The following SYT1 variants were observed in gnomAD, a reference collection of about 807,000 sequenced individuals.
SYT1 encodes synaptotagmin-1.
In SYT1, 8 loss-of-function variants were observed where a neutral mutation model predicts 44.8. The observed-to-expected ratio is 0.18, with a 90% CI of 0.10 to 0.32. The LOEUF is 0.32. Among genes scored for constraint, SYT1 ranks in the 10% least tolerant of loss-of-function variants. The pLI is 1.00. For synonymous variants in SYT1, 154 were observed against 188.8 expected, an observed-to-expected ratio of 0.82 and a Z score of 1.51; for missense variants, 286 against 509.3, an observed-to-expected ratio of 0.56 and a Z score of 4.22.
chr12:79,009,936 C>G (rs1871313922), intron 2 of SYT1, among the ~76,000 whole-genome samples: 1 of 152,082 alleles, frequency 6.6e-6, no homozygotes, highest in African/African-American at 2.4e-5. Flanking sequence ...TGTCACTGTT[C>G]TCTCTCCCAG....
intron 10 of SYT1, among the ~76,000 whole-genome samples, chr12:79,445,540 G>A (rs1048746518): frequency 3.3e-5 from 5 of 151,470 alleles, no homozygotes; most frequent in Non-Finnish European, 7.4e-5. Flanking sequence ...ACATGAGTAA[G>A]AACATACAGT....
chr12:79,232,559 A>T (rs1267461610), intron 4 of SYT1, among the ~76,000 whole-genome samples: 1 of 152,200 alleles, frequency 6.6e-6, no homozygotes, highest in Non-Finnish European at 1.5e-5. Flanking sequence ...GTTAGCCTTC[A>T]GAACTCTATT....
chr12:79,229,604 A>AT (rs139959744), intron 4 of SYT1, among the ~76,000 whole-genome samples: 107,378 of 150,412 alleles, frequency 0.71, 38,867 homozygotes, highest in African/African-American at 0.8. Flanking sequence ...TTATTTTTTT[A>AT]TTTTTTTTAG....
At chr12:79,137,480 A>G (rs1431865881) in intron 3 of SYT1, among the ~76,000 whole-genome samples, 1 of 152,166 alleles carries the variant, frequency 6.6e-6, no homozygotes, top group Non-Finnish European at 1.5e-5. Context: ...ATTATACACA[A>G]TAATACAAGA....
intron 4 of SYT1, among the ~76,000 whole-genome samples, chr12:79,241,371 C>T (rs975487652): frequency 1.3e-4 from 19 of 151,962 alleles, no homozygotes; most frequent in African/African-American, 3.6e-4. Context: ...TCCGGATTCA[C>T]GTGATTCTCC....
At chr12:79,362,492 ACC>A (rs1883355475) in intron 9 of SYT1, among the ~76,000 whole-genome samples, 1 of 152,132 alleles carries the variant, frequency 6.6e-6, no homozygotes, top group South Asian at 2.1e-4. Context: ...AAAATCTCCT[ACC>A]TTTGTCCAAT....
At chr12:79,011,548 A>C (rs1161516825) in intron 2 of SYT1, among the ~76,000 whole-genome samples, 1 of 152,056 alleles carries the variant, frequency 6.6e-6, no homozygotes, top group Non-Finnish European at 1.5e-5. Flanking sequence ...ACAACACAGG[A>C]ATCTATATGC....
intron 4 of SYT1, among the ~76,000 whole-genome samples, chr12:79,246,200 T>C (rs1333796956): frequency 6.6e-6 from 1 of 152,198 alleles, no homozygotes; most frequent in African/African-American, 2.4e-5. Context: ...TAGTGGTCAA[T>C]TCCAAAAGAC....
At position 78,931,390 on chromosome 12, in the gene SYT1, AAGGAAGGGAGGAGAG is replaced by A. The variant is rs1592575497; in HGVS notation, c.-216-46401_-216-46387del. 5.1e-5 allele frequency among the ~76,000 whole-genome samples: 6 copies of A among 117,792 alleles called. No homozygotes were observed. The East Asian group carries it at 1.3e-3, about 25-fold the overall frequency. The allele number at this position is 117,792 out of a possible 152,430, so 77.3% of individuals were successfully genotyped here. ...GAAGGAAGGAAGGAAGGAAGGAAGG[AAGGAAGGGAGGAGAG>A]AGGAAGGAAGGAAGGAAGGAAGGAA... On this transcript the variant is annotated intron_variant, in intron 1 of 10. Coordinates refer to ENST00000261205, the MANE Select transcript of SYT1 (RefSeq NM_005639.3).
rs548028431 is a variant in SYT1 at position 79,425,489 on chromosome 12, A to G, written c.929-18584A>G. 1.1e-4 allele frequency among the ~76,000 whole-genome samples: 17 copies of G among 152,242 alleles called. 1 individual carries two copies. In the South Asian group the frequency reaches 2.5e-3, roughly 22 times the overall value. ...AATTTTGGCCCCATTTTCAATTTCT[A>G]TACCATAGACTTGTCCTTATGCCCA... On this transcript the variant is annotated intron_variant, in intron 9 of 10. Transcript: ENST00000261205.
At chr12:78,949,258 C>T (rs1878836373) in intron 1 of SYT1, among the ~76,000 whole-genome samples, 1 of 151,442 alleles carries the variant, frequency 6.6e-6, no homozygotes. Flanking sequence ...ATATAGGACT[C>T]CCGTGAAATA....
At chr12:78,897,472 A>G (rs987561029) in intron 1 of SYT1, among the ~76,000 whole-genome samples, 6 of 151,974 alleles carry the variant, frequency 3.9e-5, no homozygotes, top group Non-Finnish European at 8.8e-5. Flanking sequence ...GATCTTCATC[A>G]TTACATAAAT....
At chr12:79,267,666 A>C (rs1475594955) in intron 4 of SYT1, among the ~76,000 whole-genome samples, 3 of 152,216 alleles carry the variant, frequency 2.0e-5, no homozygotes, top group Non-Finnish European at 4.4e-5. Flanking sequence ...AAACTGTTAC[A>C]AACTTCCAAA....
At chr12:78,995,046 C>T (rs893843106) in intron 2 of SYT1, among the ~76,000 whole-genome samples, 1 of 152,142 alleles carries the variant, frequency 6.6e-6, no homozygotes, top group South Asian at 2.1e-4. Flanking sequence ...CACCCTGGAT[C>T]ACCTGGGGAG....
rs3995413 is a variant in SYT1, at chr12:79,366,894, C to CTGTGTGTGTG, written c.928+13319_928+13328dup. 9.4e-3 allele frequency among the ~76,000 whole-genome samples: 1,102 copies of CTGTGTGTGTG among 117,442 alleles called. 21 individuals are homozygous for CTGTGTGTGTG. The highest frequency in any genetic ancestry group is 0.015 in the Non-Finnish European group (849 of 57,392). The allele number at this position is 117,442 out of a possible 152,430, so 77.0% of individuals were successfully genotyped here. ...TCCTATATGGCTGATATAAATAATA[C>CTGTGTGTGTG]TGTGTGTGTGTGTGTGTGTGTGTGT... On this transcript the variant is annotated intron_variant, in intron 9 of 10. Transcript: ENST00000261205.
intron 3 of SYT1, among the ~76,000 whole-genome samples, chr12:79,184,005 A>T (rs1872677601): frequency 6.6e-6 from 1 of 152,106 alleles, no homozygotes; most frequent in South Asian, 2.1e-4. Flanking sequence ...CCTTCCTAAA[A>T]TATCAGAAAC....
At chr12:78,994,325 C>G (rs1870215400) in intron 2 of SYT1, among the ~76,000 whole-genome samples, 1 of 152,054 alleles carries the variant, frequency 6.6e-6, no homozygotes, top group Admixed American at 6.6e-5. Flanking sequence ...TATTATTGTT[C>G]CTTCAGTTTT....
intron 4 of SYT1, among the ~76,000 whole-genome samples, chr12:79,263,610 G>A (rs1415405367): frequency 6.6e-6 from 1 of 151,936 alleles, no homozygotes; most frequent in Non-Finnish European, 1.5e-5. Context: ...ATCCTGTAAG[G>A]TTAAAAACAT....
intron 3 of SYT1, among the ~76,000 whole-genome samples, chr12:79,066,581 C>CA (rs764947177): frequency 1.1e-3 from 174 of 151,896 alleles, no homozygotes; most frequent in Non-Finnish European, 2.0e-3. Flanking sequence ...AGCAAAATGG[C>CA]ATTACCTTGC....
Sources: gnomAD v4.1 joint callset for allele counts (sites outside exome capture counted in the v4.1 genomes callset) on GRCh38, gnomAD v4.1.1 for gene constraint, MANE v1.5 for transcripts, NCBI Gene and HGNC (gene_info 2026-07-23, HGNC 2026-07-21) for gene names.